The following GATA4 variants were observed in gnomAD, a reference collection of about 807,000 sequenced individuals.
GATA4 encodes the protein transcription factor GATA-4.
GATA4 carries 7 observed loss-of-function variants against 37.9 expected under a neutral mutation model. That is an observed-to-expected ratio of 0.18 (90% CI 0.11 to 0.35). The LOEUF (loss-of-function observed/expected upper bound fraction) is 0.35, where lower values mean the gene tolerates loss of function less well. GATA4 is among the 10% of genes least tolerant of loss of function. GATA4 has a pLI of 1.00. For missense variants in GATA4, 647 were observed against 653.0 expected, an observed-to-expected ratio of 0.99 and a Z score of 0.10; for synonymous variants, 372 against 292.6, an observed-to-expected ratio of 1.27 and a Z score of -2.77.
chr8:11,725,337 T>C (rs551950241), intron 2 of GATA4, among the ~76,000 whole-genome samples: 23 of 152,300 alleles, frequency 1.5e-4, no homozygotes, highest in African/African-American at 5.5e-4. Flanking sequence ...GAGTAGGTTG[T>C]GAAAGTTAGG....
chr8:11,720,813 T>C (rs779925314), intron 2 of GATA4, among the ~76,000 whole-genome samples: 13 of 152,178 alleles, frequency 8.5e-5, no homozygotes, highest in Non-Finnish European at 1.3e-4. Context: ...GTTTTTCTTA[T>C]GCAAAGTGAC....
At chr8:11,742,420 G>A (rs931214210) in intron 2 of GATA4, among the ~76,000 whole-genome samples, 4 of 114,858 alleles carry the variant, frequency 3.5e-5, no homozygotes, top group African/African-American at 1.3e-4. Context: ...CTTTCACAAT[G>A]TCCTTGCCTG....
At chr8:11,681,081 G>A in intron 1 of GATA4, 1 of 964,294 alleles carries the variant, frequency 1.0e-6, no homozygotes, top group Non-Finnish European at 1.2e-6. Context: ...GGGACATTGA[G>A]GGGCATGGGT....
chr8:11,689,128 G>T (rs1011639854), upstream of GATA4, among the ~76,000 whole-genome samples: 5 of 152,180 alleles, frequency 3.3e-5, no homozygotes, highest in Admixed American at 6.5e-5. Context: ...ACGACTTCTG[G>T]AACCTCCCAT....
At chr8:11,744,225 C>T (rs1245626124) in intron 2 of GATA4, among the ~76,000 whole-genome samples, 1 of 152,222 alleles carries the variant, frequency 6.6e-6, no homozygotes, top group African/African-American at 2.4e-5. Context: ...TGGTCTTTCC[C>T]ACTCCCTCCT....
At chr8:11,689,934 G>C (rs886842960), upstream of GATA4, among the ~76,000 whole-genome samples, 8 of 152,350 alleles carry the variant, frequency 5.3e-5, no homozygotes, top group Admixed American at 3.3e-4. Context: ...ATATAACCAG[G>C]GTGCCAGGGA....
chr8:11,716,590 A>T (rs1397485961), intron 2 of GATA4, among the ~76,000 whole-genome samples: 1 of 152,164 alleles, frequency 6.6e-6, no homozygotes, highest in African/African-American at 2.4e-5. Context: ...CTGGTAGTGG[A>T]TCTAAATCAG....
intron 2 of GATA4, among the ~76,000 whole-genome samples, chr8:11,716,384 G>C (rs189211210): frequency 4.7e-4 from 71 of 152,092 alleles, no homozygotes; most frequent in African/African-American, 1.5e-3. Context: ...GGCATAAGTT[G>C]TTTTTTATTA....
intron 2 of GATA4, among the ~76,000 whole-genome samples, chr8:11,718,837 C>T (rs1463382554): frequency 6.6e-6 from 1 of 152,228 alleles, no homozygotes; most frequent in East Asian, 1.9e-4. Flanking sequence ...TAATTATAAT[C>T]GCAGAATAAA....
At chr8:11,718,467 G>A (rs1397308483) in intron 2 of GATA4, among the ~76,000 whole-genome samples, 12 of 152,214 alleles carry the variant, frequency 7.9e-5, no homozygotes, top group Admixed American at 7.9e-4. Flanking sequence ...TCATTGAAAA[G>A]CCTCTGCAAG....
intron 1 of GATA4, among the ~76,000 whole-genome samples, chr8:11,680,241 T>C (rs918020281): frequency 2.0e-5 from 3 of 152,200 alleles, no homozygotes; most frequent in Non-Finnish European, 2.9e-5. Context: ...GTGCAAAGCC[T>C]GAGTGGGCAG....
intron 2 of GATA4, among the ~76,000 whole-genome samples, chr8:11,746,450 T>C (rs191143358): frequency 6.6e-6 from 1 of 152,290 alleles, no homozygotes; most frequent in East Asian, 1.9e-4. Context: ...TTACAAGGCC[T>C]CTATGTCCAA....
At chr8:11,737,658 G>A (rs573112439) in intron 2 of GATA4, among the ~76,000 whole-genome samples, 3 of 152,194 alleles carry the variant, frequency 2.0e-5, no homozygotes, top group Non-Finnish European at 4.4e-5. Context: ...AGATGACAGC[G>A]GGTCAACAGC....
chr8:11,693,907 GTGTGTGCGTC>G (rs1799423116), intron 1 of GATA4, among the ~76,000 whole-genome samples: 1 of 152,194 alleles, frequency 6.6e-6, no homozygotes, highest in Non-Finnish European at 1.5e-5. Flanking sequence ...GCCACAGCCT[GTGTGTGCGTC>G]TGTGTGCATG....
rs374404580 is a variant in GATA4, at chr8:11,686,533, A to G, written c.-274+9470A>G. On this transcript the variant is annotated intron_variant, in intron 1 of 6. Transcript: ENST00000528712. The stretch of plus-strand genomic sequence containing the variant: ...ACTGGAGGCAGCTCCTCCTAAGCTC[A>G]TCTCTTCCCTTCTTCATCTACAAGG... 4.6e-5 allele frequency among the ~76,000 whole-genome samples: 7 copies of G among 152,334 alleles called. No individual in the cohort carries two copies. The South Asian group carries it at 1.0e-3, about 23-fold the overall frequency.
At chr8:11,701,885 C>T (rs1415321420), upstream of GATA4, among the ~76,000 whole-genome samples, 1 of 151,940 alleles carries the variant, frequency 6.6e-6, no homozygotes, top group Non-Finnish European at 1.5e-5. Flanking sequence ...AGGGGTGGCC[C>T]AGGGTTGGCA....
intron 6 of GATA4, 68 bp downstream of exon 6, chr8:11,757,151 C>T: frequency 1.9e-6 from 3 of 1,594,476 alleles, no homozygotes; most frequent in Non-Finnish European, 2.6e-6. Context: ...CAGAGGCCAG[C>T]CTAGTACTGG....
intron 1 of GATA4, among the ~76,000 whole-genome samples, chr8:11,705,607 G>A (rs1309539448): frequency 6.6e-6 from 1 of 152,228 alleles, no homozygotes; most frequent in African/African-American, 2.4e-5. Context: ...CTCGGGAGCT[G>A]CTGGGCTTTC....
rs182465235 is a variant in GATA4 at position 11,683,547 on chromosome 8, A to G, written c.-274+6484A>G. 7.3e-3 allele frequency among the ~76,000 whole-genome samples: 1,109 copies of G among 152,240 alleles called. 4 individuals are homozygous for G. The highest frequency in any genetic ancestry group is 0.012 in the Non-Finnish European group (823 of 68,004). On this transcript the variant is annotated intron_variant, in intron 1 of 6. Transcript: ENST00000528712. The stretch of plus-strand genomic sequence containing the variant: ...TATTCCTTGAGACTAGGTAGACTAA[A>G]TCCATCCCCCCATTCTTTCATTCAT...
Sources: gnomAD v4.1 joint callset for allele counts (sites outside exome capture counted in the v4.1 genomes callset) on GRCh38, gnomAD v4.1.1 for gene constraint, MANE v1.5 for transcripts, NCBI Gene and HGNC (gene_info 2026-07-23, HGNC 2026-07-21) for gene names.